Variants in DACT3 observed in about 807,000 individuals in gnomAD.
The protein encoded by DACT3 is dishevelled binding antagonist of beta catenin 3.
Under a neutral mutation model 19.6 loss-of-function variants are expected in DACT3, and 5 were observed. The ratio of observed to expected loss-of-function variants is 0.26; its 90% CI spans 0.13 to 0.54. The LOEUF is 0.54. DACT3 is among the 20% of genes least tolerant of loss of function. The probability of loss-of-function intolerance (pLI) is 0.95; values close to 1 mark genes in which losing one functional copy is unlikely to be tolerated. For synonymous variants in DACT3, 454 were observed against 428.1 expected, an observed-to-expected ratio of 1.06 and a Z score of -0.75; for missense variants, 908 against 927.4, an observed-to-expected ratio of 0.98 and a Z score of 0.27.
At chr19:46,653,973 G>T (rs1016145202) in intron 1 of DACT3, 1 of 985,140 alleles carries the variant, frequency 1.0e-6, no homozygotes, top group Non-Finnish European at 1.2e-6. Context: ...TCCCCCATAT[G>T]GGTAAAATAG....
In DACT3 at chr19:46,660,520, T is replaced by G; in HGVS notation, c.249+296A>C. The G allele has an allele frequency of 5.1e-6, 2 of 393,368 alleles. No homozygotes were observed. The highest frequency in any genetic ancestry group is 4.5e-6 in the Non-Finnish European group (1 of 224,348). 24.4% of individuals were successfully genotyped at this position (393,368 alleles called of 1,614,324 possible). A position where few individuals can be genotyped will look rare whatever the true frequency, so the allele number is the denominator to read the frequency against. Reference sequence around the variant, plus strand: ...CGCCTGCAAAGTACCCGGTCTCGGGTTTGACACATACTTGGCGCCCACAAG... The same window carrying G: ...CGCCTGCAAAGTACCCGGTCTCGGGGTTGACACATACTTGGCGCCCACAAG... On this transcript the variant is annotated intron_variant, in intron 1 of 3. Transcript: ENST00000391916. The surrounding 1 kb of genome is among the most constrained non-coding windows in gnomAD (Gnocchi z 4.9).
At chr19:46,655,825 C>T (rs1322175907) in intron 1 of DACT3, among the ~76,000 whole-genome samples, 1 of 151,582 alleles carries the variant, frequency 6.6e-6, no homozygotes, top group African/African-American at 2.4e-5. Flanking sequence ...CATCCCAGCA[C>T]TCTGGAAGTG....
chr19:46,653,539 T>TTTTTTTTA (rs1555822614), intron 1 of DACT3, among the ~76,000 whole-genome samples: 4 of 141,152 alleles, frequency 2.8e-5, no homozygotes, highest in African/African-American at 1.1e-4. Flanking sequence ...CTTTTTTTAT[T>TTTTTTTTA]TTTATTTATT....
In DACT3 at chr19:46,660,563, G is replaced by A. The variant is rs1268492743; in HGVS notation, c.249+253C>T. Among the ~76,000 whole-genome samples the A allele has an allele frequency of 6.6e-6, 1 of 152,026 alleles. No individual in the cohort carries two copies. The highest frequency in any genetic ancestry group is 1.9e-4 in the East Asian group (1 of 5,174). ...CCCACAAGGATTTTCTTTGGGGAAGGGGTGTAAGAGACAGGGCCTGTGTTT... is the reference window on the plus strand; with the variant it reads ...CCCACAAGGATTTTCTTTGGGGAAGAGGTGTAAGAGACAGGGCCTGTGTTT... On this transcript the variant is annotated intron_variant, in intron 1 of 3. Transcript: ENST00000391916. This position sits in a 1 kb window ranked among gnomAD's most constrained non-coding sequence, Gnocchi z 4.9.
At position 46,648,746 on chromosome 19, in the gene DACT3, G is replaced by T; in HGVS notation, c.1626C>A (p.Gly542=). The T allele has an allele frequency of 6.3e-7, 1 of 1,584,668 alleles. No individual in the cohort carries two copies. Among genetic ancestry groups the T allele is most frequent in the Non-Finnish European group, 8.5e-7 (1 of 1,170,948 alleles). Residue 542 remains glycine, a synonymous_variant, in exon 4 of 4, where the codon GGC becomes GGA. Transcript: ENST00000391916. The surrounding 1 kb of genome is among the most constrained non-coding windows in gnomAD (Gnocchi z 5.1). The part of the protein sequence containing the change: ...LGRRGPAGGV[G]GGYGESESSA... ...TCGATTCGCTCTCCCCGTAACCCCC[G>T]CCGACGCCTCCCGCAGGCCCCCGGC...
In DACT3 at chr19:46,647,579, T is replaced by C. The variant is rs2052931039; in HGVS notation, c.*903A>G. ...TAGTCCAAAGGAAAAAGAGCATTTC[T>C]CCCATTTAATCATTCAGTGAGAGTC... On this transcript the variant is annotated 3_prime_UTR_variant, in exon 4 of 4. Coordinates refer to ENST00000391916, the MANE Select transcript of DACT3 (RefSeq NM_145056.3). The C allele has an allele frequency of 6.6e-6, 1 of 152,466 alleles. No individual in the cohort carries two copies. The highest frequency in any genetic ancestry group is 6.5e-5 in the Admixed American group (1 of 15,276). The allele number at this position is 152,466 out of a possible 1,614,324, so 9.4% of individuals were successfully genotyped here. A position where few individuals can be genotyped will look rare whatever the true frequency, so the allele number is the denominator to read the frequency against.
rs905237490 is a variant in DACT3, at chr19:46,653,126, G to A, written c.250-51C>T. On this transcript the variant is annotated intron_variant, in intron 1 of 3. Coordinates refer to ENST00000391916, the MANE Select transcript of DACT3 (RefSeq NM_145056.3). ...GTCAGAAGGCCCCCAGTCCTCTGCCGACTGGTCCCCTATTCCACGAGCTCA... is the reference window on the plus strand; with the variant it reads ...GTCAGAAGGCCCCCAGTCCTCTGCCAACTGGTCCCCTATTCCACGAGCTCA... The A allele has an allele frequency of 3.7e-5, 57 of 1,542,772 alleles. 1 individual carries two copies. The highest frequency in any genetic ancestry group is 2.0e-4 in the Admixed American group (10 of 49,596).
chr19:46,648,779 G>A lies in DACT3; in HGVS notation c.1593C>T (p.Pro531=). ...CTCCCGCAGGCCCCCGGCGTCCCAG[G>A]GGCCCCAGGCGCCCAGCCGAGCACT... ...DSECSAGRLG[P]LGRRGPAGGV... is the part of the protein sequence containing the mutation. The change falls in exon 4 of 4, where the codon CCC becomes CCT. Residue 531 remains proline (P), a synonymous_variant. Transcript: ENST00000391916. This position sits in a 1 kb window ranked among gnomAD's most constrained non-coding sequence, Gnocchi z 5.1. 1.3e-6 allele frequency: 2 copies of A among 1,551,118 alleles called. No individual in the cohort carries two copies. The highest frequency in any genetic ancestry group is 1.7e-6 in the Non-Finnish European group (2 of 1,155,552).
intron 1 of DACT3, chr19:46,659,395 G>T: frequency 1.0e-6 from 1 of 977,798 alleles, no homozygotes; most frequent in Non-Finnish European, 1.2e-6. Flanking sequence ...CAGAGGGGGA[G>T]AGGACACAGC....
chr19:46,655,507 A>G lies in DACT3; in HGVS notation c.250-2432T>C, dbSNP rs181192868. On this transcript the variant is annotated intron_variant, in intron 1 of 3. Transcript: ENST00000391916. ...GTGTGCCTGTAATCCCAGCTACCCA[A>G]GAGGCTGAAGCAGGAGAATTGCTTG... Among the ~76,000 whole-genome samples the G allele has an allele frequency of 3.3e-5, 5 of 152,214 alleles. No individual in the cohort carries two copies. The East Asian group carries it at 9.7e-4, about 29-fold the overall frequency.
chr19:46,649,863 C>A lies in DACT3; in HGVS notation c.509G>T (p.Ser170Ile). The change falls in exon 4 of 4, where the codon AGT becomes ATT. Residue 170 changes from serine to isoleucine, a missense_variant. Coordinates refer to ENST00000391916, the MANE Select transcript of DACT3 (RefSeq NM_145056.3). Reference protein sequence around the residue: ...SERPKSLGDASPSAPEVVGAR... With the variant: ...SERPKSLGDAIPSAPEVVGAR... ...GCCCACCACCTCCGGAGCGCTGGGACTGGCGTCTCCTAGGGAAGGAAGGCC... is the reference window on the plus strand; with the variant it reads ...GCCCACCACCTCCGGAGCGCTGGGAATGGCGTCTCCTAGGGAAGGAAGGCC... The A allele has an allele frequency of 7.2e-7, 1 of 1,391,644 alleles. No individual in the cohort carries two copies. The highest frequency in any genetic ancestry group is 9.3e-7 in the Non-Finnish European group (1 of 1,079,814). The allele number at this position is 1,391,644 out of a possible 1,614,324, so 86.2% of individuals were successfully genotyped here. A position where few individuals can be genotyped will look rare whatever the true frequency, so the allele number is the denominator to read the frequency against.
chr19:46,649,761 G>A lies in DACT3; in HGVS notation c.611C>T (p.Ser204Phe), dbSNP rs1304925708. 5.4e-6 allele frequency: 7 copies of A among 1,305,140 alleles called. No individual in the cohort carries two copies. In the East Asian group the frequency reaches 1.6e-4, roughly 29 times the overall value. The allele number at this position is 1,305,140 out of a possible 1,614,324, so 80.8% of individuals were successfully genotyped here. The change falls in exon 4 of 4, where the codon TCC becomes TTC. Residue 204 changes from serine to phenylalanine, a missense_variant. By Grantham distance (155) the Ser-to-Phe change is radical. This residue lies in a region of DACT3 where 252 missense variants were observed against 325.6 expected (regional missense o/e 0.77). Coordinates refer to ENST00000391916, the MANE Select transcript of DACT3 (RefSeq NM_145056.3). ...AGGSAGPEAC[S>F]SAERRARAGP... is the part of the protein sequence containing the mutation. ...GGCGCGGGCCCGCCGCTCCGCCGAGGAGCAGGCCTCCGGGCCGGCGGACCC... is the reference window on the plus strand; with the variant it reads ...GGCGCGGGCCCGCCGCTCCGCCGAGAAGCAGGCCTCCGGGCCGGCGGACCC...
rs1380059369 is a variant in DACT3 at position 46,649,608 on chromosome 19, G to T, written c.764C>A (p.Ala255Glu). Residue 255 changes from alanine (A) to glutamate (E), a missense_variant, in exon 4 of 4, where the codon GCG (alanine) becomes GAG (glutamate). Around this residue, in one of 2 missense-constraint regions of DACT3, gnomAD observed 656 missense variants for 601.8 expected, o/e 1.09. Coordinates refer to ENST00000391916, the MANE Select transcript of DACT3 (RefSeq NM_145056.3). ...CCGGCGGCGGCGCCTGCGCAGGAGC[G>T]CCGAGATGTAGCCGTCCAGGGGCCG... ...AGRPLDGYIS[A>E]LLRRRRRRGA... 22 of 1,131,606 alleles carry T rather than the reference G, an allele frequency of 1.9e-5. No homozygotes were observed. The South Asian group carries it at 4.6e-4, about 24-fold the overall frequency. 70.1% of individuals were successfully genotyped at this position (1,131,606 alleles called of 1,614,324 possible). A position where few individuals can be genotyped will look rare whatever the true frequency, so the allele number is the denominator to read the frequency against.
Position 46,648,495 on chromosome 19 carries a change from A to ACAC in DACT3, c.1876_1877insGTG (p.Met626delinsSerVal). 6.2e-7 allele frequency: 1 copy of ACAC among 1,613,990 alleles called. No homozygotes were observed. Among genetic ancestry groups the ACAC allele is most frequent in the Non-Finnish European group, 8.5e-7 (1 of 1,179,874 alleles). On this transcript the variant is annotated protein_altering_variant, in exon 4 of 4. Transcript: ENST00000391916. This position sits in a 1 kb window ranked among gnomAD's most constrained non-coding sequence, Gnocchi z 5.1. The stretch of plus-strand genomic sequence containing the variant: ...AAATCCCCAAACTCACACTGTAGTC[A>ACAC]TGACCTTGAGAGAACCCGAACGGAA...
chr19:46,653,460 C>A (rs2053005659), intron 1 of DACT3, among the ~76,000 whole-genome samples: 2 of 152,088 alleles, frequency 1.3e-5, no homozygotes, highest in Non-Finnish European at 2.9e-5. Flanking sequence ...GGACAGTTTA[C>A]TGCTAAAAGG....
chr19:46,656,854 G>A (rs2053037383), intron 1 of DACT3, among the ~76,000 whole-genome samples: 1 of 152,150 alleles, frequency 6.6e-6, no homozygotes, highest in Non-Finnish European at 1.5e-5. Flanking sequence ...AAATGACTGA[G>A]TCCCATTCCC....
Position 46,649,847 on chromosome 19 carries a change from C to T in DACT3, c.525G>A (p.Glu175=). The change falls in exon 4 of 4, where the codon GAG becomes GAA. Residue 175 remains glutamate (E), a synonymous_variant. Coordinates refer to ENST00000391916, the MANE Select transcript of DACT3 (RefSeq NM_145056.3). The part of the protein sequence containing the change: ...SLGDASPSAP[E]VVGARAAVPR... ...GCACCGCTGCCCGCGCGCCCACCAC[C>T]TCCGGAGCGCTGGGACTGGCGTCTC... 1 of 1,418,350 alleles carries T rather than the reference C, an allele frequency of 7.1e-7. No homozygotes were observed. Among genetic ancestry groups the T allele is most frequent in the Non-Finnish European group, 9.2e-7 (1 of 1,092,602 alleles). 87.9% of individuals were successfully genotyped at this position (1,418,350 alleles called of 1,614,324 possible). A position where few individuals can be genotyped will look rare whatever the true frequency, so the allele number is the denominator to read the frequency against.
chr19:46,654,516 T>G, intron 1 of DACT3: 1 of 978,368 alleles, frequency 1.0e-6, no homozygotes, highest in Non-Finnish European at 1.2e-6. Flanking sequence ...AAAAAGAAAT[T>G]TCCATGAGTC....
Position 46,649,488 on chromosome 19 carries a change from G to C in DACT3, c.884C>G (p.Ser295Cys). 8.8e-7 allele frequency: 1 copy of C among 1,132,088 alleles called. No individual in the cohort carries two copies. Among genetic ancestry groups the C allele is most frequent in the Non-Finnish European group, 1.1e-6 (1 of 926,292 alleles). The allele number at this position is 1,132,088 out of a possible 1,614,324, so 70.1% of individuals were successfully genotyped here. A position where few individuals can be genotyped will look rare whatever the true frequency, so the allele number is the denominator to read the frequency against. ...CCGCGCGGGTCGCGCGCTGCCGGGG[G>C]ACGGAGACGCGTCGGGCGGCCGCTG... Reference protein sequence around the residue: ...VRQRPPDASPSPGSARPAREP... With the variant: ...VRQRPPDASPCPGSARPAREP... The change falls in exon 4 of 4, where the codon TCC becomes TGC. Residue 295 changes from serine to cysteine, a missense_variant. Ser to Cys is a moderately radical substitution (Grantham distance 112). Coordinates refer to ENST00000391916, the MANE Select transcript of DACT3 (RefSeq NM_145056.3).
Sources: gnomAD v4.1 joint callset for allele counts (sites outside exome capture counted in the v4.1 genomes callset) on GRCh38, gnomAD v4.1.1 for gene constraint, gnomAD v4.1.1 regional missense constraint, Gnocchi (gnomAD v3.1) non-coding constraint, MANE v1.5 for transcripts, NCBI Gene and HGNC (gene_info 2026-07-23, HGNC 2026-07-21) for gene names.